RMDN2: variants seen among roughly 807,000 people sequenced by gnomAD.
RMDN2 encodes regulator of microtubule dynamics 2.
Under a neutral mutation model 52.8 loss-of-function variants are expected in RMDN2, and 61 were observed. That is an observed-to-expected ratio of 1.16 (90% CI 0.94 to 1.43). RMDN2 has a LOEUF of 1.43. Among genes scored for constraint, RMDN2 ranks in the 40% most tolerant of loss-of-function variants. The probability of loss-of-function intolerance (pLI) is 0.00; values close to 1 mark genes in which losing one functional copy is unlikely to be tolerated. For synonymous variants in RMDN2, 180 were observed against 153.1 expected (o/e 1.18, Z -1.30); for missense variants, 592 against 475.3 (o/e 1.25, Z -2.28).
upstream of RMDN2, chr2:37,923,511 G>A (rs938493584): frequency 2.6e-5 from 4 of 152,214 alleles, no homozygotes; most frequent in African/African-American, 9.7e-5. Context: ...CTCCTTTTAA[G>A]TATTAGCGAA....
At chr2:37,988,344 C>T (rs549450981) in intron 5 of RMDN2, among the ~76,000 whole-genome samples, 4 of 152,208 alleles carry the variant, frequency 2.6e-5, no homozygotes, top group Admixed American at 6.5e-5. Context: ...TTTTAGAACT[C>T]GTGAGTAGTA....
At chr2:37,946,520 G>C (rs1227117910) in intron 2 of RMDN2, among the ~76,000 whole-genome samples, 2 of 152,224 alleles carry the variant, frequency 1.3e-5, no homozygotes, top group Admixed American at 1.3e-4. Context: ...ACACTTTATC[G>C]TTTAGCACAT....
At chr2:38,012,289 A>T (rs890812710) in intron 10 of RMDN2, among the ~76,000 whole-genome samples, 3 of 152,064 alleles carry the variant, frequency 2.0e-5, no homozygotes, top group African/African-American at 7.2e-5. Flanking sequence ...AAGCCCCTAT[A>T]CTTTTCCTTG....
intron 2 of RMDN2, chr2:37,950,243 T>C (rs373638561): frequency 2.3e-6 from 1 of 430,402 alleles, no homozygotes; most frequent in Non-Finnish European, 4.3e-6. Flanking sequence ...GGTAAAGGAT[T>C]GTACAGCTGT....
At chr2:37,934,161 A>G (rs1304306795) in intron 2 of RMDN2, among the ~76,000 whole-genome samples, 1 of 152,240 alleles carries the variant, frequency 6.6e-6, no homozygotes, top group Non-Finnish European at 1.5e-5. Flanking sequence ...GATATCAGCC[A>G]CAATTTTCTA....
intron 7 of RMDN2, among the ~76,000 whole-genome samples, chr2:37,994,598 G>C (rs1418969496): frequency 6.6e-6 from 1 of 152,146 alleles, no homozygotes; most frequent in Non-Finnish European, 1.5e-5. Flanking sequence ...AAAAGATACT[G>C]ATCATCAGTA....
intron 10 of RMDN2, among the ~76,000 whole-genome samples, chr2:38,058,407 CAGCCTTGGAAGGGA>C (rs6146719): frequency 0.3 from 45,826 of 150,342 alleles, 8,197 homozygotes; most frequent in South Asian, 0.5. Flanking sequence ...CTTTAATTCC[CAGCCTTGGAAGGGA>C]AGGCTTGGAG....
At chr2:37,978,084 C>T (rs953093625) in intron 4 of RMDN2, among the ~76,000 whole-genome samples, 2 of 152,152 alleles carry the variant, frequency 1.3e-5, no homozygotes, top group Admixed American at 6.5e-5. Flanking sequence ...CTCGGGAGGC[C>T]GAGGCTGGCA....
rs148306053 is a variant in RMDN2 at position 37,959,345 on chromosome 2, A to G, written c.453-14695A>G. 5.3e-4 allele frequency among the ~76,000 whole-genome samples: 80 copies of G among 151,062 alleles called. 1 individual carries two copies. In the East Asian group the frequency reaches 0.015, roughly 28 times the overall value. On this transcript the variant is annotated intron_variant, in intron 2 of 10. Transcript: ENST00000354545. ...CAATTTCAGAACTTGTTATTGGTCT[A>G]TTCAGGGATTTGACTTCTTCCTGGT...
At chr2:37,989,262 T>G (rs1377850702) in intron 5 of RMDN2, among the ~76,000 whole-genome samples, 1 of 152,168 alleles carries the variant, frequency 6.6e-6, no homozygotes, top group Admixed American at 6.5e-5. Flanking sequence ...TTGAAAGTCC[T>G]TATGTCCTGG....
At chr2:37,946,728 A>G (rs958304278) in intron 2 of RMDN2, among the ~76,000 whole-genome samples, 19 of 152,168 alleles carry the variant, frequency 1.2e-4, no homozygotes, top group African/African-American at 4.3e-4. Context: ...TTTTTTCAAT[A>G]GTTATTGCCA....
At chr2:38,054,798 A>C (rs1230351768) in intron 10 of RMDN2, among the ~76,000 whole-genome samples, 2 of 151,702 alleles carry the variant, frequency 1.3e-5, no homozygotes, top group Non-Finnish European at 2.9e-5. Flanking sequence ...CCAGTGCACG[A>C]CTCTGGACAC....
chr2:38,008,168 A>C (rs1677394602), intron 10 of RMDN2, among the ~76,000 whole-genome samples: 1 of 152,178 alleles, frequency 6.6e-6, no homozygotes, highest in East Asian at 1.9e-4. Context: ...GGTGCTAAGA[A>C]GAATGTGTAT....
At chr2:37,997,151 A>G (rs147330046) in intron 7 of RMDN2, among the ~76,000 whole-genome samples, 1,786 of 152,208 alleles carry the variant, frequency 0.012, 34 homozygotes, top group African/African-American at 0.041. Flanking sequence ...TATCCAGAGT[A>G]TTTCAGGTTG....
chr2:37,950,570 A>C (rs1438068274), intron 2 of RMDN2: 1 of 1,613,234 alleles, frequency 6.2e-7, no homozygotes, highest in South Asian at 1.1e-5. Context: ...ACTTTGGATT[A>C]AATTTACAAT....
rs753842729 is a variant in RMDN2, at chr2:38,004,127, C to T, written c.1099-9C>T. 31 of 1,612,622 alleles carry T rather than the reference C, an allele frequency of 1.9e-5. No homozygotes were observed. Among genetic ancestry groups the T allele is most frequent in the Non-Finnish European group, 2.5e-5 (30 of 1,178,904 alleles). ...ATTATGTTTAATATTGGTTATTTCT[C>T]ATTTCCAGTGTTATACTGATCTTGA... On this transcript the variant is annotated splice_polypyrimidine_tract_variant and intron_variant, in intron 9 of 10. Coordinates refer to ENST00000354545, the MANE Select transcript of RMDN2 (RefSeq NM_001170791.3).
intron 10 of RMDN2, among the ~76,000 whole-genome samples, chr2:38,033,755 A>G (rs1335136011): frequency 6.6e-6 from 1 of 152,244 alleles, no homozygotes; most frequent in Non-Finnish European, 1.5e-5. Context: ...TCTAGATTTC[A>G]GATCAGTCAT....
chr2:38,047,734 T>TA (rs1240388841), intron 10 of RMDN2, among the ~76,000 whole-genome samples: 2 of 152,170 alleles, frequency 1.3e-5, no homozygotes, highest in African/African-American at 2.4e-5. Context: ...AACTTTAAAA[T>TA]AAAAAAACCT....
At chr2:37,946,709 G>A (rs1668250522) in intron 2 of RMDN2, among the ~76,000 whole-genome samples, 1 of 152,118 alleles carries the variant, frequency 6.6e-6, no homozygotes, top group African/African-American at 2.4e-5. Flanking sequence ...TTCACTGTTG[G>A]ATGATTCTTT....
Sources: gnomAD v4.1 joint callset for allele counts (sites outside exome capture counted in the v4.1 genomes callset) on GRCh38, gnomAD v4.1.1 for gene constraint, MANE v1.5 for transcripts, NCBI Gene and HGNC (gene_info 2026-07-23, HGNC 2026-07-21) for gene names.